FZD3: variants seen among roughly 807,000 people sequenced by gnomAD.
FZD3 encodes the protein frizzled-3.
Under a neutral mutation model 60.7 loss-of-function variants are expected in FZD3, and 30 were observed. The observed-to-expected ratio is 0.49, with a 90% CI of 0.37 to 0.67. The LOEUF is 0.67. Ranked by LOEUF, FZD3 falls within the 30% of genes least tolerant of loss-of-function variation. The probability of loss-of-function intolerance (pLI) is 0.00; values close to 1 mark genes in which losing one functional copy is unlikely to be tolerated. For synonymous variants in FZD3, 246 were observed against 275.2 expected (o/e 0.89, Z 1.05); for missense variants, 605 against 838.7 (o/e 0.72, Z 3.44).
intron 4 of FZD3, among the ~76,000 whole-genome samples, chr8:28,523,653 T>C (rs1200023324): frequency 6.7e-6 from 1 of 149,688 alleles, no homozygotes; most frequent in African/African-American, 2.5e-5. Context: ...CCCAGGGAGG[T>C]CACAAACTCC....
Position 28,527,118 on chromosome 8 carries a change from AAT to A in FZD3, c.387-27_387-26del, listed in dbSNP as rs753745051. On this transcript the variant is annotated intron_variant, in intron 4 of 7. Coordinates refer to ENST00000240093, the MANE Select transcript of FZD3 (RefSeq NM_017412.4). The surrounding 1 kb of genome is among the most constrained non-coding windows in gnomAD (Gnocchi z 5.0). ...CGTGATAGATTTCCCCATAAGTAAA[AAT>A]AGTTCTCATCTTGTTTTGTTTTTTA... The A allele has an allele frequency of 1.9e-6, 3 of 1,568,328 alleles. No individual in the cohort carries two copies. The African/African-American group carries it at 4.1e-5, about 22-fold the overall frequency.
rs1585201120 is a variant in FZD3, at chr8:28,570,127, T to C, written c.*7116T>C. 6.6e-6 allele frequency: 1 copy of C among 152,350 alleles called. No homozygotes were observed. Among genetic ancestry groups the C allele is most frequent in the South Asian group, 2.1e-4 (1 of 4,826 alleles). 9.4% of individuals were successfully genotyped at this position (152,350 alleles called of 1,614,324 possible). A position where few individuals can be genotyped will look rare whatever the true frequency, so the allele number is the denominator to read the frequency against. ...TATTATTAGAGATCAATGTGGCTTG[T>C]TATTTTTAATTTTTTTCTGGCTATA... On this transcript the variant is annotated 3_prime_UTR_variant, in exon 8 of 8. Transcript: ENST00000240093.
In FZD3 at chr8:28,557,963, G is replaced by A. The variant is rs147603406; in HGVS notation, c.1787+1992G>A. 4.6e-5 allele frequency among the ~76,000 whole-genome samples: 7 copies of A among 152,276 alleles called. No individual in the cohort carries two copies. The East Asian group carries it at 9.6e-4, about 21-fold the overall frequency. ...ATAAATCATAGAAAGTGAAAGCTTC[G>A]CAAAAGAGATGGCACTTCTACATTG... On this transcript the variant is annotated intron_variant, in intron 7 of 7. Coordinates refer to ENST00000240093, the MANE Select transcript of FZD3 (RefSeq NM_017412.4).
chr8:28,525,720 A>C (rs193087973), intron 4 of FZD3, among the ~76,000 whole-genome samples: 7 of 152,320 alleles, frequency 4.6e-5, no homozygotes, highest in Non-Finnish European at 7.3e-5. Flanking sequence ...GATCGTGAAC[A>C]CAGGAGCAGC....
intron 3 of FZD3, 106 bp from the exon 4 acceptor site, chr8:28,520,532 C>A: frequency 2.9e-6 from 2 of 681,492 alleles, no homozygotes; most frequent in Non-Finnish European, 4.6e-6. Flanking sequence ...ATTTTAATAA[C>A]CCTCAGAATT....
chr8:28,500,151 C>G (rs1803950578), intron 2 of FZD3, among the ~76,000 whole-genome samples, 173 bp downstream of exon 2: 1 of 152,118 alleles, frequency 6.6e-6, no homozygotes, highest in African/African-American at 2.4e-5. Flanking sequence ...TGTTTTTTCC[C>G]TTCTTTTAAT....
chr8:28,535,544 C>T (rs1374581707), intron 5 of FZD3, among the ~76,000 whole-genome samples: 1 of 152,158 alleles, frequency 6.6e-6, no homozygotes, highest in Non-Finnish European at 1.5e-5. Flanking sequence ...CTTTCAGCCT[C>T]TCTTTGTTTT....
rs190101957 is a variant in FZD3, at chr8:28,571,408, A to G, written c.*8397A>G. ...CTTTACATTGAGCTGAGGTGAATGT[A>G]TACTTAAAAATACTCTATTTTCTTT... is the stretch of plus-strand genomic sequence containing the variant. On this transcript the variant is annotated 3_prime_UTR_variant, in exon 8 of 8. Coordinates refer to ENST00000240093, the MANE Select transcript of FZD3 (RefSeq NM_017412.4). 14 of 152,272 alleles carry G rather than the reference A, an allele frequency of 9.2e-5. No homozygotes were observed. Among genetic ancestry groups the G allele is most frequent in the Admixed American group, 7.2e-4 (11 of 15,292 alleles). 9.4% of individuals were successfully genotyped at this position (152,272 alleles called of 1,614,324 possible). A position where few individuals can be genotyped will look rare whatever the true frequency, so the allele number is the denominator to read the frequency against.
chr8:28,551,349 A>G (rs1456177017), intron 5 of FZD3, among the ~76,000 whole-genome samples: 1 of 152,162 alleles, frequency 6.6e-6, no homozygotes, highest in Non-Finnish European at 1.5e-5. Context: ...CCCCGTCTCT[A>G]CTAAAAATAC....
intron 5 of FZD3, among the ~76,000 whole-genome samples, chr8:28,550,481 C>CTTTTTTTTTTTTTTTTTTTTT (rs386412443): frequency 1.2e-4 from 4 of 34,336 alleles, no homozygotes; most frequent in Non-Finnish European, 1.9e-4. Context: ...CTTCTTTTAT[C>CTTTTTTTTTTTTTTTTTTTTT]TTTTTTTTTT....
chr8:28,541,696 C>T (rs767006170), intron 5 of FZD3, among the ~76,000 whole-genome samples: 7 of 152,186 alleles, frequency 4.6e-5, no homozygotes, highest in Non-Finnish European at 8.8e-5. Context: ...TTTTGAAAGT[C>T]TACAAAGCAT....
intron 5 of FZD3, among the ~76,000 whole-genome samples, chr8:28,528,913 C>T (rs1392059621): frequency 6.6e-6 from 1 of 151,936 alleles, no homozygotes; most frequent in Non-Finnish European, 1.5e-5. Flanking sequence ...TACTATTACC[C>T]TACCTTCTTT....
intron 5 of FZD3, among the ~76,000 whole-genome samples, chr8:28,529,206 C>A (rs569451914): frequency 2.6e-5 from 4 of 152,206 alleles, no homozygotes; most frequent in Non-Finnish European, 1.5e-5. Flanking sequence ...AGGCGTTAGT[C>A]ACCATGCCAG....
intron 4 of FZD3, among the ~76,000 whole-genome samples, chr8:28,521,081 A>AT (rs372523316): frequency 9.2e-5 from 14 of 152,236 alleles, no homozygotes; most frequent in African/African-American, 3.4e-4. Flanking sequence ...AAGACAGTTG[A>AT]TTTTTCCCCC....
intron 4 of FZD3, among the ~76,000 whole-genome samples, chr8:28,525,988 C>T (rs1484572301): frequency 6.6e-6 from 1 of 152,044 alleles, no homozygotes; most frequent in African/African-American, 2.4e-5. Flanking sequence ...ATAGAATAAC[C>T]ATTTATGGAG....
chr8:28,533,577 GTTTGT>G (rs199572463), intron 5 of FZD3, among the ~76,000 whole-genome samples: 15,341 of 150,648 alleles, frequency 0.1, 1,503 homozygotes, highest in African/African-American at 0.26. Flanking sequence ...GTAACTTTAT[GTTTGT>G]TTTGTTTTGT....
At chr8:28,525,634 T>TGTCC in intron 4 of FZD3, among the ~76,000 whole-genome samples, 1 of 152,256 alleles carries the variant, frequency 6.6e-6, no homozygotes, top group South Asian at 2.1e-4. Context: ...GCTGAGGGTC[T>TGTCC]GAGTAGCTCT....
At chr8:28,541,143 T>C (rs1011349461) in intron 5 of FZD3, among the ~76,000 whole-genome samples, 2 of 152,148 alleles carry the variant, frequency 1.3e-5, no homozygotes, top group Non-Finnish European at 2.9e-5. Flanking sequence ...GTATTCTCCT[T>C]CTTCTTTGTT....
chr8:28,512,407 A>G (rs1299688925), intron 3 of FZD3, among the ~76,000 whole-genome samples: 1 of 152,142 alleles, frequency 6.6e-6, no homozygotes, highest in Non-Finnish European at 1.5e-5. Context: ...ATGTTCATTC[A>G]GAGTGAGTGA....
Sources: gnomAD v4.1 joint callset for allele counts (sites outside exome capture counted in the v4.1 genomes callset) on GRCh38, gnomAD v4.1.1 for gene constraint, Gnocchi (gnomAD v3.1) non-coding constraint, MANE v1.5 for transcripts, NCBI Gene and HGNC (gene_info 2026-07-23, HGNC 2026-07-21) for gene names.